Variants in EXOSC9 observed in about 807,000 individuals in gnomAD.
EXOSC9 encodes exosome complex component RRP45.
A neutral mutation model predicts 56.5 loss-of-function variants in EXOSC9; 38 were observed. The ratio of observed to expected loss-of-function variants is 0.67; its 90% CI spans 0.52 to 0.88. The LOEUF (loss-of-function observed/expected upper bound fraction) is 0.88, where lower values mean the gene tolerates loss of function less well. EXOSC9 is among the 40% of genes least tolerant of loss of function. EXOSC9 has a pLI of 0.00. For synonymous variants in EXOSC9, 170 were observed against 170.8 expected, an observed-to-expected ratio of 0.99 and a Z score of 0.04; for missense variants, 559 against 530.5, an observed-to-expected ratio of 1.05 and a Z score of -0.53.
At position 121,801,367 on chromosome 4, in the gene EXOSC9, G is replaced by T; in HGVS notation, c.-58G>T. 1 of 1,521,488 alleles carries T rather than the reference G, an allele frequency of 6.6e-7. No homozygotes were observed. The highest frequency in any genetic ancestry group is 2.3e-5 in the East Asian group (1 of 44,430). The allele number at this position is 1,521,488 out of a possible 1,614,324, so 94.2% of individuals were successfully genotyped here. A position where few individuals can be genotyped will look rare whatever the true frequency, so the allele number is the denominator to read the frequency against. On this transcript the variant is annotated 5_prime_UTR_variant, in exon 1 of 12. Coordinates refer to ENST00000243498, the MANE Select transcript of EXOSC9 (RefSeq NM_005033.3). ...GGGCGAGCAGCGGCGCGCAAGGAAA[G>T]ATCGGGTTCCGTTTTTCCCGCGGAT...
Position 121,816,763 on chromosome 4 carries a change from T to C in EXOSC9, c.1236-9T>C, listed in dbSNP as rs1724530925. On this transcript the variant is annotated splice_polypyrimidine_tract_variant and intron_variant, in intron 11 of 11. Transcript: ENST00000243498. ...CTCTTAGTAAATTCTTACTTTGCTT[T>C]ATTCACAGAACACAGACCACCAGTG... 1 of 1,572,122 alleles carries C rather than the reference T, an allele frequency of 6.4e-7. No individual in the cohort carries two copies. The highest frequency in any genetic ancestry group is 1.2e-5 in the South Asian group (1 of 83,394).
intron 7 of EXOSC9, among the ~76,000 whole-genome samples, chr4:121,810,328 A>G (rs1727176691): frequency 6.6e-6 from 1 of 151,384 alleles, no homozygotes; most frequent in African/African-American, 2.4e-5. Context: ...CTGGAGTCTG[A>G]CCCTTCCACC....
At chr4:121,811,078 C>G (rs192234821) in intron 7 of EXOSC9, among the ~76,000 whole-genome samples, 1 of 152,164 alleles carries the variant, frequency 6.6e-6, no homozygotes, top group Non-Finnish European at 1.5e-5. Flanking sequence ...CCCATACTAG[C>G]TGATCTTGGG....
In EXOSC9 at chr4:121,809,869, G is replaced by T. The variant is rs1578502824; in HGVS notation, c.606-98G>T. Reference sequence around the variant, plus strand: ...CCGTAGGCTCAGACCTTTATTCTCTGTTGACTTTATTGATGCCATCTTTTA... The same window carrying T: ...CCGTAGGCTCAGACCTTTATTCTCTTTTGACTTTATTGATGCCATCTTTTA... On this transcript the variant is annotated intron_variant, in intron 6 of 11. Coordinates refer to ENST00000243498, the MANE Select transcript of EXOSC9 (RefSeq NM_005033.3). 1.1e-5 allele frequency: 15 copies of T among 1,390,032 alleles called. No individual in the cohort carries two copies. In the East Asian group the frequency reaches 3.2e-4, roughly 30 times the overall value. The allele number at this position is 1,390,032 out of a possible 1,614,324, so 86.1% of individuals were successfully genotyped here. A position where few individuals can be genotyped will look rare whatever the true frequency, so the allele number is the denominator to read the frequency against.
chr4:121,806,946 G>A (rs1727038047), intron 5 of EXOSC9, among the ~76,000 whole-genome samples: 1 of 152,132 alleles, frequency 6.6e-6, no homozygotes, highest in Non-Finnish European at 1.5e-5. Flanking sequence ...TGATGGGTCC[G>A]TAAATGTATC....
chr4:121,806,650 T>C (rs1727030457), intron 5 of EXOSC9, among the ~76,000 whole-genome samples: 1 of 152,120 alleles, frequency 6.6e-6, no homozygotes, highest in African/African-American at 2.4e-5. Context: ...ATGTCATATA[T>C]ACAAATAATG....
intron 5 of EXOSC9, among the ~76,000 whole-genome samples, chr4:121,807,221 C>T (rs907898903): frequency 1.3e-5 from 2 of 152,002 alleles, no homozygotes; most frequent in East Asian, 1.9e-4. Context: ...GCCCAGGAGG[C>T]GGAGGTTGCC....
chr4:121,811,254 C>G (rs944374776), intron 7 of EXOSC9, among the ~76,000 whole-genome samples: 11 of 152,196 alleles, frequency 7.2e-5, no homozygotes, highest in Admixed American at 6.5e-4. Flanking sequence ...TCATCATCAT[C>G]TTTACCAGCA....
rs1724362862 is a variant in EXOSC9, at chr4:121,813,946, A to G, written c.1055A>G (p.Asp352Gly). 6.2e-7 allele frequency: 1 copy of G among 1,613,504 alleles called. No homozygotes were observed. The highest frequency in any genetic ancestry group is 8.5e-7 in the Non-Finnish European group (1 of 1,179,584). ...GVENSWGDLE[D>G]SEKEDDEGGG... ...GAAAACTCCTGGGGTGATCTTGAAG[A>G]CTCTGAGAAGGAAGATGATGAAGGC... Residue 352 changes from aspartate (D) to glycine (G), a missense_variant, in exon 10 of 12, where the codon GAC becomes GGC. Physicochemically the swap from Asp to Gly is moderately conservative, Grantham distance 94. Transcript: ENST00000243498.
At chr4:121,811,549 G>T (rs551349240) in intron 7 of EXOSC9, 34 bp from the exon 8 acceptor site, 9 of 1,282,100 alleles carry the variant, frequency 7.0e-6, no homozygotes, top group Non-Finnish European at 9.8e-6. Context: ...TTGGTTTATT[G>T]TCTTTAAACA....
intron 10 of EXOSC9, chr4:121,815,162 C>A (rs1724447032): frequency 6.3e-6 from 1 of 159,708 alleles, no homozygotes; most frequent in South Asian, 2.0e-4. Flanking sequence ...TATTATTCTT[C>A]CAGAACTTGT....
intron 9 of EXOSC9, 69 bp from the exon 10 acceptor site, chr4:121,813,795 CTT>C: frequency 8.5e-7 from 1 of 1,169,690 alleles, no homozygotes; most frequent in Non-Finnish European, 1.2e-6. Flanking sequence ...AAGAAGAAAA[CTT>C]TCATTCTCAT....
Position 121,816,874 on chromosome 4 carries a change from C to CTG in EXOSC9, c.*20_*21dup. ...CCAATTAAAGCTAACAGTTGTATATCTGTATATATAACTATTAAAAGGGAT... is the reference window on the plus strand; with the variant it reads ...CCAATTAAAGCTAACAGTTGTATATCTGTGTATATATAACTATTAAAAGGGAT... On this transcript the variant is annotated 3_prime_UTR_variant, in exon 12 of 12. Coordinates refer to ENST00000243498, the MANE Select transcript of EXOSC9 (RefSeq NM_005033.3). The CTG allele has an allele frequency of 6.5e-7, 1 of 1,541,532 alleles. No individual in the cohort carries two copies. Among genetic ancestry groups the CTG allele is most frequent in the East Asian group, 2.3e-5 (1 of 42,782 alleles).
intron 2 of EXOSC9, 46 bp from the exon 3 acceptor site, chr4:121,802,628 G>C: frequency 2.5e-6 from 4 of 1,585,982 alleles, no homozygotes; most frequent in Non-Finnish European, 2.6e-6. Context: ...TTTTGTTTTG[G>C]AAGGAGAGTC....
At chr4:121,813,634 G>A (rs1204577896) in intron 9 of EXOSC9, 2 of 532,426 alleles carry the variant, frequency 3.8e-6, no homozygotes, top group African/African-American at 3.8e-5. Flanking sequence ...CTAAAATGTT[G>A]AGAGAATCTG....
At chr4:121,814,134 G>A (rs1724383699) in intron 10 of EXOSC9, 87 bp downstream of exon 10, 2 of 799,664 alleles carry the variant, frequency 2.5e-6, no homozygotes, top group African/African-American at 1.8e-5. Flanking sequence ...TAAAATGTGT[G>A]TATATTTATA....
Position 121,804,685 on chromosome 4 carries a change from A to C in EXOSC9, c.448A>C (p.Ser150Arg). Reference protein sequence around the residue: ...NHDGNIIDAASIAAIVALCHF... With the variant: ...NHDGNIIDAARIAAIVALCHF... ...TGATGGAAATATTATTGATGCTGCC[A>C]GCATTGCTGCAATCGTGGCCTTATG... is the stretch of plus-strand genomic sequence containing the variant. The change falls in exon 5 of 12, where the codon AGC becomes CGC. Residue 150 changes from serine to arginine, a missense_variant. Physicochemically the swap from Ser to Arg is moderately radical, Grantham distance 110. Coordinates refer to ENST00000243498, the MANE Select transcript of EXOSC9 (RefSeq NM_005033.3). 6.2e-7 allele frequency: 1 copy of C among 1,610,646 alleles called. No homozygotes were observed. The highest frequency in any genetic ancestry group is 8.5e-7 in the Non-Finnish European group (1 of 1,176,924).
Position 121,809,878 on chromosome 4 carries a change from A to G in EXOSC9, c.606-89A>G, listed in dbSNP as rs967316132. On this transcript the variant is annotated intron_variant, in intron 6 of 11. Coordinates refer to ENST00000243498, the MANE Select transcript of EXOSC9 (RefSeq NM_005033.3). ...CAGACCTTTATTCTCTGTTGACTTT[A>G]TTGATGCCATCTTTTAAAAATTCAT... The G allele has an allele frequency of 2.9e-5, 42 of 1,462,822 alleles. No homozygotes were observed. The Admixed American group carries it at 3.7e-4, about 13-fold the overall frequency. The allele number at this position is 1,462,822 out of a possible 1,614,324, so 90.6% of individuals were successfully genotyped here.
intron 11 of EXOSC9, 101 bp downstream of exon 11, chr4:121,816,548 A>G (rs2149040862): frequency 1.2e-6 from 1 of 867,702 alleles, no homozygotes. Flanking sequence ...ACTATAAACA[A>G]AAAGACATCC....
Sources: gnomAD v4.1 joint callset for allele counts (sites outside exome capture counted in the v4.1 genomes callset) on GRCh38, gnomAD v4.1.1 for gene constraint, MANE v1.5 for transcripts, NCBI Gene and HGNC (gene_info 2026-07-23, HGNC 2026-07-21) for gene names.